The following RNF146 variants were observed in gnomAD, a reference collection of about 807,000 sequenced individuals.
RNF146 encodes the protein E3 ubiquitin-protein ligase RNF146.
RNF146 carries 11 observed loss-of-function variants against 29.7 expected under a neutral mutation model. That is an observed-to-expected ratio of 0.37 (90% CI 0.23 to 0.61). RNF146 has a LOEUF of 0.61. RNF146 is among the 20% of genes least tolerant of loss of function. The pLI, the probability that RNF146 is intolerant of heterozygous loss-of-function variation, is 0.66. For synonymous variants in RNF146, 150 were observed against 159.7 expected (o/e 0.94, Z 0.46); for missense variants, 342 against 438.9 (o/e 0.78, Z 1.97).
At chr6:127,277,462 A>G (rs1340649416) in intron 1 of RNF146, among the ~76,000 whole-genome samples, 1 of 152,026 alleles carries the variant, frequency 6.6e-6, no homozygotes, top group African/African-American at 2.4e-5. Context: ...TATATTAGGC[A>G]GTGTTCTCTA....
chr6:127,272,184 TATTTCA>T (rs1301293771), intron 1 of RNF146, among the ~76,000 whole-genome samples: 1 of 152,204 alleles, frequency 6.6e-6, no homozygotes, highest in Non-Finnish European at 1.5e-5. Context: ...GGTATAGTCA[TATTTCA>T]CAGGGTTGTT....
At chr6:127,278,035 T>C (rs1454655634) in intron 1 of RNF146, among the ~76,000 whole-genome samples, 1 of 152,086 alleles carries the variant, frequency 6.6e-6, no homozygotes, top group East Asian at 1.9e-4. Flanking sequence ...TAGATGCCCA[T>C]AGTATGAGAG....
At chr6:127,280,477 T>C in intron 2 of RNF146, 137 bp downstream of exon 2, 1 of 1,311,492 alleles carries the variant, frequency 7.6e-7, no homozygotes, top group Non-Finnish European at 9.9e-7. Context: ...ATAGGTGCTT[T>C]ATTAACAATT....
chr6:127,277,438 C>T (rs2114464908), intron 1 of RNF146, among the ~76,000 whole-genome samples: 1 of 152,004 alleles, frequency 6.6e-6, no homozygotes, highest in Non-Finnish European at 1.5e-5. Context: ...TACTTAGAAA[C>T]CTTGTTTAGT....
rs1025274808 is a variant in RNF146, at chr6:127,286,726, C to T, written c.113C>T (p.Ala38Val). Residue 38 changes from alanine (A) to valine (V), a missense_variant, in exon 3 of 3, where the codon GCC (alanine) becomes GTC (valine). Transcript: ENST00000368314. The surrounding 1 kb of genome is among the most constrained non-coding windows in gnomAD (Gnocchi z 4.6). ...CCTTCTTTAACCGTCCCTGAATGTG[C>T]CATTTGTCTGCAAACATGTGTTCAT... ...TAPSLTVPEC[A>V]ICLQTCVHPV... 6.2e-7 allele frequency: 1 copy of T among 1,613,364 alleles called. No homozygotes were observed. The highest frequency in any genetic ancestry group is 1.1e-5 in the South Asian group (1 of 91,072).
chr6:127,273,592 CTGTA>C (rs1777786352), intron 1 of RNF146, among the ~76,000 whole-genome samples: 1 of 151,624 alleles, frequency 6.6e-6, no homozygotes, highest in South Asian at 2.1e-4. Flanking sequence ...ATTGAAAAAA[CTGTA>C]TGTATATAAG....
chr6:127,266,707 C>T (rs571274989), upstream of RNF146: 2 of 152,416 alleles, frequency 1.3e-5, no homozygotes, highest in East Asian at 3.9e-4. Flanking sequence ...CCGCTCCCCA[C>T]AGGCAAGAGA....
rs1779538304 is a variant in RNF146 at position 127,286,541 on chromosome 6, T to C, written c.3-75T>C. ...TATAATGCACATCATAGGTGGTTAGTGTTTTCATAATTGTTAAATTAAGAT... is the reference window on the plus strand; with the variant it reads ...TATAATGCACATCATAGGTGGTTAGCGTTTTCATAATTGTTAAATTAAGAT... On this transcript the variant is annotated intron_variant, in intron 2 of 2. Coordinates refer to ENST00000368314, the MANE Select transcript of RNF146 (RefSeq NM_001242850.2). The surrounding 1 kb of genome is among the most constrained non-coding windows in gnomAD (Gnocchi z 4.6). 4.6e-6 allele frequency: 6 copies of C among 1,290,942 alleles called. No individual in the cohort carries two copies. The South Asian group carries it at 7.3e-5, about 16-fold the overall frequency. 80.0% of individuals were successfully genotyped at this position (1,290,942 alleles called of 1,614,324 possible). A position where few individuals can be genotyped will look rare whatever the true frequency, so the allele number is the denominator to read the frequency against.
chr6:127,280,252 G>T lies in RNF146; in HGVS notation c.-87G>T. 1 of 1,319,782 alleles carries T rather than the reference G, an allele frequency of 7.6e-7. No individual in the cohort carries two copies. The highest frequency in any genetic ancestry group is 1.3e-5 in the South Asian group (1 of 78,172). 81.8% of individuals were successfully genotyped at this position (1,319,782 alleles called of 1,614,324 possible). A position where few individuals can be genotyped will look rare whatever the true frequency, so the allele number is the denominator to read the frequency against. ...GCAGCACAAAGAATGAACCAGCAGT[G>T]GAAGAGAAAATACTGTAAGCTGGCT... On this transcript the variant is annotated 5_prime_UTR_variant, in exon 2 of 3. Coordinates refer to ENST00000368314, the MANE Select transcript of RNF146 (RefSeq NM_001242850.2).
At chr6:127,279,643 G>C (rs574775021) in intron 1 of RNF146, among the ~76,000 whole-genome samples, 1 of 151,940 alleles carries the variant, frequency 6.6e-6, no homozygotes, top group Admixed American at 6.6e-5. Context: ...TTGGAATTGT[G>C]ATAGGAATTA....
At chr6:127,272,243 CTAATA>C (rs1270540077) in intron 1 of RNF146, among the ~76,000 whole-genome samples, 1 of 152,030 alleles carries the variant, frequency 6.6e-6, no homozygotes, top group Non-Finnish European at 1.5e-5. Context: ...GTTTCACTAA[CTAATA>C]TATGTGAATC....
At chr6:127,280,902 A>G (rs1392087541) in intron 2 of RNF146, among the ~76,000 whole-genome samples, 2 of 151,760 alleles carry the variant, frequency 1.3e-5, no homozygotes, top group Non-Finnish European at 3.0e-5. Context: ...GGATTTGTCC[A>G]TATTTAACTT....
At chr6:127,285,916 G>C in intron 2 of RNF146, 2 of 525,996 alleles carry the variant, frequency 3.8e-6, no homozygotes, top group Middle Eastern at 5.6e-4. Flanking sequence ...TCAGTACTTA[G>C]TATTGTATCT....
At chr6:127,283,201 C>A (rs548838772) in intron 2 of RNF146, among the ~76,000 whole-genome samples, 14 of 151,806 alleles carry the variant, frequency 9.2e-5, no homozygotes, top group African/African-American at 3.4e-4. Flanking sequence ...GGGATTTATA[C>A]TTAAAAGTTG....
chr6:127,286,641 C>A lies in RNF146; in HGVS notation c.28C>A (p.His10Asn). Residue 10 changes from histidine to asparagine, a missense_variant, in exon 3 of 3, where the codon CAT becomes AAT. His to Asn is a moderately conservative substitution (Grantham distance 68, BLOSUM62 1). Coordinates refer to ENST00000368314, the MANE Select transcript of RNF146 (RefSeq NM_001242850.2). The surrounding 1 kb of genome is among the most constrained non-coding windows in gnomAD (Gnocchi z 4.6). Reference sequence around the variant, plus strand: ...GATGGCTGGCTGTGGTGAAATTGATCATTCAATAAACATGCTTCCTACAAA... The same window carrying A: ...GATGGCTGGCTGTGGTGAAATTGATAATTCAATAAACATGCTTCCTACAAA... The part of the protein sequence containing the change: MMAGCGEID[H>N]SINMLPTNRK... 1.9e-6 allele frequency: 3 copies of A among 1,608,780 alleles called. No homozygotes were observed. Among genetic ancestry groups the A allele is most frequent in the Non-Finnish European group, 2.5e-6 (3 of 1,177,250 alleles).
In RNF146 at chr6:127,287,598, T is replaced by A. The variant is rs149272268; in HGVS notation, c.985T>A (p.Ser329Thr). The change falls in exon 3 of 3, where the codon TCG (serine) becomes ACG (threonine). Residue 329 changes from serine to threonine, a missense_variant. Ser to Thr is a moderately conservative substitution (Grantham distance 58). Coordinates refer to ENST00000368314, the MANE Select transcript of RNF146 (RefSeq NM_001242850.2). ...NQTVPDRSDR[S>T]GTDRSVAGGG... The stretch of plus-strand genomic sequence containing the variant: ...GACAGTACCCGATCGATCAGATCGA[T>A]CGGGAACTGATCGATCAGTAGCAGG... The A allele has an allele frequency of 4.9e-5, 79 of 1,612,386 alleles. No homozygotes were observed. The highest frequency in any genetic ancestry group is 6.4e-5 in the Non-Finnish European group (76 of 1,179,226).
rs1245538085 is a variant in RNF146 at position 127,286,812 on chromosome 6, C to G, written c.199C>G (p.Leu67Val). ...TCTATGTGTAAAAGGAGCTTCATGG[C>G]TTGGAAAGCGGTGTGCTCTTTGTCG... The part of the protein sequence containing the change: ...CYLCVKGASW[L>V]GKRCALCRQE... The change falls in exon 3 of 3, where the codon CTT becomes GTT. Residue 67 changes from leucine (L) to valine (V), a missense_variant. This residue lies in a region of RNF146 where 27 missense variants were observed against 66.0 expected (regional missense o/e 0.41). Coordinates refer to ENST00000368314, the MANE Select transcript of RNF146 (RefSeq NM_001242850.2). The surrounding 1 kb of genome is among the most constrained non-coding windows in gnomAD (Gnocchi z 4.6). 6.2e-7 allele frequency: 1 copy of G among 1,613,270 alleles called. No individual in the cohort carries two copies. The highest frequency in any genetic ancestry group is 1.7e-5 in the Admixed American group (1 of 59,870).
chr6:127,273,640 AG>A (rs1187639537), intron 1 of RNF146, among the ~76,000 whole-genome samples: 1 of 152,154 alleles, frequency 6.6e-6, no homozygotes, highest in Non-Finnish European at 1.5e-5. Flanking sequence ...TGTTGTTGAA[AG>A]GTCAGCTGTA....
At chr6:127,280,502 T>A in intron 2 of RNF146, 162 bp downstream of exon 2, 1 of 1,271,824 alleles carries the variant, frequency 7.9e-7, no homozygotes, top group Non-Finnish European at 1.0e-6. Context: ...TACATTAAGT[T>A]ATCGTTAATG....
Sources: gnomAD v4.1 joint callset for allele counts (sites outside exome capture counted in the v4.1 genomes callset) on GRCh38, gnomAD v4.1.1 for gene constraint, gnomAD v4.1.1 regional missense constraint, Gnocchi (gnomAD v3.1) non-coding constraint, MANE v1.5 for transcripts, NCBI Gene and HGNC (gene_info 2026-07-23, HGNC 2026-07-21) for gene names.